The following NRXN3 variants were observed in gnomAD, a reference collection of about 807,000 sequenced individuals.
NRXN3 encodes the protein neurexin III.
NRXN3 carries 32 observed loss-of-function variants against 137.6 expected under a neutral mutation model. The ratio of observed to expected loss-of-function variants is 0.23; its 90% CI spans 0.18 to 0.31. NRXN3 has a LOEUF of 0.31. Among genes scored for constraint, NRXN3 ranks in the 10% least tolerant of loss-of-function variants. NRXN3 has a pLI of 1.00. For missense variants in NRXN3, 1,574 were observed against 2,062.5 expected, an observed-to-expected ratio of 0.76 and a Z score of 4.59; for synonymous variants, 798 against 784.5, an observed-to-expected ratio of 1.02 and a Z score of -0.29.
Position 78,551,295 on chromosome 14 carries a change from T to G in NRXN3, c.758-93825T>G, listed in dbSNP as rs556098210. ...GGAATTAAAACCCAGTACAAGCATT[T>G]TTTTTTTCTACTTATATCTATGTAT... On this transcript the variant is annotated intron_variant, in intron 4 of 20. Transcript: ENST00000335750. Among the ~76,000 whole-genome samples the G allele has an allele frequency of 3.0e-4, 45 of 152,300 alleles. No individual in the cohort carries two copies. In the South Asian group the frequency reaches 6.4e-3, roughly 22 times the overall value.
chr14:79,218,696 T>C (rs1037660197), intron 15 of NRXN3, among the ~76,000 whole-genome samples: 4 of 152,122 alleles, frequency 2.6e-5, no homozygotes, highest in African/African-American at 9.7e-5. Context: ...AAGAGTCTTA[T>C]GGCAAAAATA....
At chr14:78,441,659 A>G (rs2153696905) in intron 4 of NRXN3, among the ~76,000 whole-genome samples, 1 of 152,060 alleles carries the variant, frequency 6.6e-6, no homozygotes, top group African/African-American at 2.4e-5. Context: ...AAGATATGTT[A>G]CATCTTAATT....
chr14:78,944,453 C>T (rs7154350), intron 10 of NRXN3, among the ~76,000 whole-genome samples: 9,649 of 152,206 alleles, frequency 0.063, 825 homozygotes, highest in East Asian at 0.37. Flanking sequence ...GATGTCTACC[C>T]GGAACCTCAG....
At chr14:78,465,766 C>A (rs1344709562) in intron 4 of NRXN3, among the ~76,000 whole-genome samples, 1 of 151,928 alleles carries the variant, frequency 6.6e-6, no homozygotes, top group African/African-American at 2.4e-5. Context: ...ATCTCTTGAC[C>A]TCGTGATCTG....
chr14:78,276,334 C>T (rs77401660), intron 2 of NRXN3, among the ~76,000 whole-genome samples: 6,142 of 152,132 alleles, frequency 0.04, 354 homozygotes, highest in East Asian at 0.27. Context: ...GAGGGGAGAT[C>T]GGGAGCAGAT....
intron 3 of NRXN3, among the ~76,000 whole-genome samples, chr14:78,294,138 CTCAT>C: frequency 1.3e-5 from 2 of 152,350 alleles, no homozygotes; most frequent in South Asian, 4.1e-4. Flanking sequence ...TATCCATTCA[CTCAT>C]TCAATCATCA....
intron 10 of NRXN3, among the ~76,000 whole-genome samples, chr14:78,948,279 C>G (rs1344270625): frequency 6.6e-6 from 1 of 152,218 alleles, no homozygotes; most frequent in East Asian, 1.9e-4. Context: ...GGATTTTCTG[C>G]TTAAAACATA....
At chr14:79,708,322 T>C (rs1282381818) in intron 19 of NRXN3, among the ~76,000 whole-genome samples, 1 of 152,184 alleles carries the variant, frequency 6.6e-6, no homozygotes, top group Non-Finnish European at 1.5e-5. Flanking sequence ...ATAGGTTACA[T>C]GCAAATACTA....
intron 19 of NRXN3, among the ~76,000 whole-genome samples, chr14:79,779,870 T>G (rs2099108476): frequency 6.6e-6 from 1 of 152,168 alleles, no homozygotes; most frequent in African/African-American, 2.4e-5. Context: ...TCTGTAATTT[T>G]ATTTTATTTT....
rs146686569 is a variant in NRXN3, at chr14:78,412,457, C to T, written c.757+114597C>T. On this transcript the variant is annotated intron_variant, in intron 4 of 20. Transcript: ENST00000335750. ...GTAACTTCATCTACATTGATTGATACGCACATTGTTTTATCCAAGATAATA... is the reference window on the plus strand; with the variant it reads ...GTAACTTCATCTACATTGATTGATATGCACATTGTTTTATCCAAGATAATA... Among the ~76,000 whole-genome samples the T allele has an allele frequency of 8.5e-4, 129 of 152,258 alleles. 2 individuals carry two copies. In the East Asian group the frequency reaches 0.021, roughly 25 times the overall value.
intron 6 of NRXN3, among the ~76,000 whole-genome samples, chr14:78,670,677 G>T (rs553945923): frequency 6.6e-6 from 1 of 152,312 alleles, no homozygotes; most frequent in African/African-American, 2.4e-5. Flanking sequence ...GTAAAATAAG[G>T]TTTAAGATGT....
intron 4 of NRXN3, among the ~76,000 whole-genome samples, chr14:78,631,902 T>A (rs1409277850): frequency 6.6e-6 from 1 of 151,324 alleles, no homozygotes; most frequent in Non-Finnish European, 1.5e-5. Flanking sequence ...GGTCAGGAGA[T>A]CAAGACCATC....
intron 20 of NRXN3, among the ~76,000 whole-genome samples, chr14:79,826,358 A>G (rs1317615897): frequency 6.6e-6 from 1 of 152,148 alleles, no homozygotes; most frequent in East Asian, 1.9e-4. Context: ...TTGCAAGAAT[A>G]GTATATGGAA....
At chr14:78,902,717 C>T (rs1027281604) in intron 10 of NRXN3, among the ~76,000 whole-genome samples, 2 of 151,926 alleles carry the variant, frequency 1.3e-5, no homozygotes, top group African/African-American at 4.8e-5. Context: ...AAAGATCTAT[C>T]CTTGTCTAAC....
chr14:78,828,927 T>C (rs535216278), intron 10 of NRXN3, among the ~76,000 whole-genome samples: 1 of 152,270 alleles, frequency 6.6e-6, no homozygotes, highest in South Asian at 2.1e-4. Context: ...TAACTTTAGA[T>C]AAAACTGCCC....
chr14:79,370,279 G>T (rs1291312128), intron 15 of NRXN3, among the ~76,000 whole-genome samples: 1 of 149,282 alleles, frequency 6.7e-6, no homozygotes, highest in South Asian at 2.1e-4. Context: ...ACCAGCTAAA[G>T]TTTATCGGGT....
At chr14:78,721,797 C>G (rs2098461107) in intron 8 of NRXN3, among the ~76,000 whole-genome samples, 1 of 152,030 alleles carries the variant, frequency 6.6e-6, no homozygotes, top group South Asian at 2.1e-4. Context: ...GAGAAAGGGG[C>G]TTCCCAAGAA....
At chr14:79,107,785 G>A (rs994353362) in intron 15 of NRXN3, among the ~76,000 whole-genome samples, 1 of 152,092 alleles carries the variant, frequency 6.6e-6, no homozygotes, top group Admixed American at 6.6e-5. Flanking sequence ...GGTAGTGTTT[G>A]CCGAGATGGA....
chr14:78,826,705 G>A (rs1469775436), intron 10 of NRXN3, among the ~76,000 whole-genome samples: 1 of 152,116 alleles, frequency 6.6e-6, no homozygotes, highest in Non-Finnish European at 1.5e-5. Context: ...ATATAATCAC[G>A]AAAACATACT....
Sources: gnomAD v4.1 joint callset for allele counts (sites outside exome capture counted in the v4.1 genomes callset) on GRCh38, gnomAD v4.1.1 for gene constraint, MANE v1.5 for transcripts, NCBI Gene and HGNC (gene_info 2026-07-23, HGNC 2026-07-21) for gene names.